The following NCAPH2 variants were observed in gnomAD, a reference collection of about 807,000 sequenced individuals.
NCAPH2 encodes non-SMC condensin II complex subunit H2, also known as condensin-2 complex subunit H2.
A neutral mutation model predicts 88.6 loss-of-function variants in NCAPH2; 56 were observed. That is an observed-to-expected ratio of 0.63 (90% confidence interval 0.51 to 0.79). The LOEUF (loss-of-function observed/expected upper bound fraction) is 0.79. Ranked by LOEUF, NCAPH2 falls within the 30% of genes least tolerant of loss-of-function variation. NCAPH2 has a pLI of 0.00. For synonymous variants in NCAPH2, 378 were observed against 313.6 expected, an observed-to-expected ratio of 1.21 and a Z score of -2.17; for missense variants, 794 against 792.0, an observed-to-expected ratio of 1.00 and a Z score of -0.03.
At position 50,520,950 on chromosome 22, in the gene NCAPH2, T is replaced by G. The variant is rs2069071051; in HGVS notation, c.862-15T>G. On this transcript the variant is annotated splice_polypyrimidine_tract_variant and intron_variant, in intron 9 of 19. Coordinates refer to ENST00000420993, the MANE Select transcript of NCAPH2 (RefSeq NM_152299.4). The stretch of plus-strand genomic sequence containing the variant: ...AGAAAGAGGAGAAGTGGGGACCCTG[T>G]GACTGTCTTTGCAGAGTGCTGCCCT... 1 of 1,550,660 alleles carries G rather than the reference T, an allele frequency of 6.4e-7. No homozygotes were observed. Among genetic ancestry groups the G allele is most frequent in the Non-Finnish European group, 8.7e-7 (1 of 1,146,782 alleles).
At chr22:50,518,875 G>A (rs966791967) in intron 8 of NCAPH2, 143 bp downstream of exon 8, 33 of 884,500 alleles carry the variant, frequency 3.7e-5, no homozygotes, top group Admixed American at 1.1e-4. Flanking sequence ...GTGAGGCCTC[G>A]CCCCGGGGAA....
At position 50,520,063 on chromosome 22, in the gene NCAPH2, G is replaced by A. The variant is rs2069044019; in HGVS notation, c.861+743G>A. Among the ~76,000 whole-genome samples the A allele has an allele frequency of 3.9e-5, 6 of 152,094 alleles. 1 individual carries two copies. In the South Asian group the frequency reaches 1.2e-3, roughly 32 times the overall value. On this transcript the variant is annotated intron_variant, in intron 9 of 19. Transcript: ENST00000420993. The stretch of plus-strand genomic sequence containing the variant: ...TTTTTTGTATTTTTAGTAGAGACGG[G>A]GTTTCACCATGTTGGCCAGGATGGT...
Position 50,524,092 on chromosome 22 carries a change from A to G in NCAPH2, c.*717A>G. 2 of 1,613,104 alleles carry G rather than the reference A, an allele frequency of 1.2e-6. No individual in the cohort carries two copies. The highest frequency in any genetic ancestry group is 1.7e-6 in the Non-Finnish European group (2 of 1,180,000). ...GCAGCGAGCCCGGCCTCTGTGATCC[A>G]GCAGGTGGAAGTCGCCCTGGCCCAC... On this transcript the variant is annotated 3_prime_UTR_variant, in exon 20 of 20. Transcript: ENST00000420993.
rs779245922 is a variant in NCAPH2, at chr22:50,522,427, C to T, written c.1306+12C>T. The T allele has an allele frequency of 6.2e-6, 10 of 1,611,642 alleles. No homozygotes were observed. The East Asian group carries it at 2.0e-4, about 32-fold the overall frequency. ...CCTGGGGGCAGCAGGTGGGTGCCTG[C>T]CAGGGGGTGGGGTGGGGCTTGGCAC... is the stretch of plus-strand genomic sequence containing the variant. On this transcript the variant is annotated intron_variant, in intron 15 of 19. Coordinates refer to ENST00000420993, the MANE Select transcript of NCAPH2 (RefSeq NM_152299.4).
At chr22:50,509,278 C>G (rs957151513) in intron 1 of NCAPH2, among the ~76,000 whole-genome samples, 2 of 152,176 alleles carry the variant, frequency 1.3e-5, no homozygotes, top group Non-Finnish European at 2.9e-5. Context: ...GCAGCTCCAT[C>G]CTAGATCTTT....
In NCAPH2 at chr22:50,523,865, C is replaced by T. The variant is rs1483105876; in HGVS notation, c.*490C>T. On this transcript the variant is annotated 3_prime_UTR_variant, in exon 20 of 20. Transcript: ENST00000420993. ...AGACCCAACAGTCTTGGGTGGAAGTCCTGGACGTAGCGGGCCATGGCTTCA... is the reference window on the plus strand; with the variant it reads ...AGACCCAACAGTCTTGGGTGGAAGTTCTGGACGTAGCGGGCCATGGCTTCA... 5.0e-6 allele frequency: 8 copies of T among 1,613,866 alleles called. No individual in the cohort carries two copies. Among genetic ancestry groups the T allele is most frequent in the East Asian group, 2.2e-5 (1 of 44,894 alleles).
chr22:50,520,520 C>T (rs2069056465), intron 9 of NCAPH2: 1 of 152,326 alleles, frequency 6.6e-6, no homozygotes, highest in Non-Finnish European at 1.4e-5. Context: ...TCTCAAAGCA[C>T]TGGGATTATA....
At chr22:50,519,560 A>G in intron 9 of NCAPH2, 1 of 1,301,332 alleles carries the variant, frequency 7.7e-7, no homozygotes, top group Non-Finnish European at 9.8e-7. Flanking sequence ...GCTGGCGTCC[A>G]AGGATTTGAG....
intron 1 of NCAPH2, among the ~76,000 whole-genome samples, chr22:50,513,203 C>A (rs1015379620): frequency 6.6e-6 from 1 of 152,276 alleles, no homozygotes; most frequent in African/African-American, 2.4e-5. Flanking sequence ...CAGCCTCCAC[C>A]CCTGCGTGTG....
intron 1 of NCAPH2, among the ~76,000 whole-genome samples, chr22:50,510,384 C>T (rs150121997): frequency 0.021 from 3,161 of 152,168 alleles, 67 homozygotes; most frequent in Middle Eastern, 0.12. Flanking sequence ...TATAGCTGTG[C>T]ACCACCACAC....
Position 50,523,579 on chromosome 22 carries a change from C to T in NCAPH2, c.*204C>T. Reference sequence around the variant, plus strand: ...CACACACACACAGATTAAACGCAGCCCGTTTAATGATGGGGCCCAGACTGC... The same window carrying T: ...CACACACACACAGATTAAACGCAGCTCGTTTAATGATGGGGCCCAGACTGC... On this transcript the variant is annotated 3_prime_UTR_variant, in exon 20 of 20. Coordinates refer to ENST00000420993, the MANE Select transcript of NCAPH2 (RefSeq NM_152299.4). The T allele has an allele frequency of 6.2e-7, 1 of 1,607,608 alleles. No individual in the cohort carries two copies. The highest frequency in any genetic ancestry group is 8.5e-7 in the Non-Finnish European group (1 of 1,176,200).
Position 50,508,242 on chromosome 22 carries a change from A to C in NCAPH2, c.-96A>C. On this transcript the variant is annotated 5_prime_UTR_variant, in exon 1 of 20. Coordinates refer to ENST00000420993, the MANE Select transcript of NCAPH2 (RefSeq NM_152299.4). ...CGCCTACGCATTTTCCTGGGCGGGA[A>C]CAGCAAAATGGCGCCAGAACTAGTG... is the stretch of plus-strand genomic sequence containing the variant. The C allele has an allele frequency of 3.2e-6, 3 of 927,746 alleles. No homozygotes were observed. Among genetic ancestry groups the C allele is most frequent in the Non-Finnish European group, 4.7e-6 (3 of 644,182 alleles). The allele number at this position is 927,746 out of a possible 1,614,324, so 57.5% of individuals were successfully genotyped here. A position where few individuals can be genotyped will look rare whatever the true frequency, so the allele number is the denominator to read the frequency against.
Position 50,523,383 on chromosome 22 carries a change from G to T in NCAPH2, c.*8G>T. 6.5e-7 allele frequency: 1 copy of T among 1,538,718 alleles called. No homozygotes were observed. Among genetic ancestry groups the T allele is most frequent in the Non-Finnish European group, 8.8e-7 (1 of 1,141,094 alleles). ...TCCATGGCCCAGCCCTGAGTGGGGAGCACCGAGGCAGGGGTGGGGGAATGT... is the reference window on the plus strand; with the variant it reads ...TCCATGGCCCAGCCCTGAGTGGGGATCACCGAGGCAGGGGTGGGGGAATGT... On this transcript the variant is annotated 3_prime_UTR_variant, in exon 20 of 20. Coordinates refer to ENST00000420993, the MANE Select transcript of NCAPH2 (RefSeq NM_152299.4).
chr22:50,522,611 G>A (rs1351399626), intron 16 of NCAPH2, 42 bp downstream of exon 16: 1 of 1,613,602 alleles, frequency 6.2e-7, no homozygotes, highest in Non-Finnish European at 8.5e-7. Context: ...GGCCACTGGA[G>A]CTGGGGGCAG....
At chr22:50,511,285 CTTTTTTTT>C in intron 1 of NCAPH2, among the ~76,000 whole-genome samples, 1 of 109,652 alleles carries the variant, frequency 9.1e-6, no homozygotes, top group African/African-American at 5.1e-5. Context: ...GCCTCAGCCT[CTTTTTTTT>C]TTTTTTTTTT....
In NCAPH2 at chr22:50,518,218, C is replaced by G. The variant is rs774544738; in HGVS notation, c.586C>G (p.Pro196Ala). 1.2e-6 allele frequency: 2 copies of G among 1,613,990 alleles called. No homozygotes were observed. The highest frequency in any genetic ancestry group is 2.7e-5 in the African/African-American group (2 of 75,054). The part of the protein sequence containing the change: ...PHPRGAFMLE[P>A]EGMSPMEPAG... ...CCCCAGAGGGGCCTTCATGTTGGAG[C>G]CAGAGGGCATGTCCCCCATGGAACC... The change falls in exon 7 of 20, where the codon CCA (proline) becomes GCA (alanine). Residue 196 changes from proline to alanine, a missense_variant. Coordinates refer to ENST00000420993, the MANE Select transcript of NCAPH2 (RefSeq NM_152299.4).
rs764113708 is a variant in NCAPH2 at position 50,522,249 on chromosome 22, G to A, written c.1231G>A (p.Glu411Lys). ...LETLRKLQRR[E>K]VAEQWLRPAE... Reference sequence around the variant, plus strand: ...AACTCTCCGGAAGCTGCAGAGGAGGGAGGCAAGTCCCAGCTGGTCAGCTGT... The same window carrying A: ...AACTCTCCGGAAGCTGCAGAGGAGGAAGGCAAGTCCCAGCTGGTCAGCTGT... The change falls in exon 14 of 20, where the codon GAG (glutamate) becomes AAG (lysine). Residue 411 changes from glutamate to lysine, a missense_variant and splice_region_variant. Around this residue, in one of 2 missense-constraint regions of NCAPH2, gnomAD observed 735 missense variants for 696.3 expected, o/e 1.06. Coordinates refer to ENST00000420993, the MANE Select transcript of NCAPH2 (RefSeq NM_152299.4). 6.2e-7 allele frequency: 1 copy of A among 1,613,702 alleles called. No individual in the cohort carries two copies. Among genetic ancestry groups the A allele is most frequent in the Non-Finnish European group, 8.5e-7 (1 of 1,179,886 alleles).
rs2068746174 is a variant in NCAPH2 at position 50,510,162 on chromosome 22, C to G, written c.108+1717C>G. Among the ~76,000 whole-genome samples the G allele has an allele frequency of 1.3e-5, 2 of 152,190 alleles. 1 individual carries two copies. Among genetic ancestry groups the G allele is most frequent in the South Asian group, 4.1e-4 (2 of 4,822 alleles). The stretch of plus-strand genomic sequence containing the variant: ...GGTCTCGATCTCCTGACCTCGTGAT[C>G]CGCCTGCCTTGGCCTCCCAAAGTGC... On this transcript the variant is annotated intron_variant, in intron 1 of 19. Transcript: ENST00000420993.
At chr22:50,508,525 G>A in intron 1 of NCAPH2, 80 bp downstream of exon 1, 2 of 899,790 alleles carry the variant, frequency 2.2e-6, no homozygotes, top group South Asian at 2.4e-5. Flanking sequence ...GGGGCTGTGG[G>A]CGCCCCACCG....
Sources: allele counts gnomAD v4.1 joint callset (sites outside exome capture counted in the v4.1 genomes callset), GRCh38; gene constraint gnomAD v4.1.1; regional missense constraint gnomAD v4.1.1; transcripts MANE v1.5; gene names NCBI Gene and HGNC (gene_info 2026-07-23, HGNC 2026-07-21).